The following MYNN variants were observed in gnomAD, a reference collection of about 807,000 sequenced individuals.
MYNN encodes the protein myoneurin, also known as zinc finger and BTB domain-containing protein 31.
In MYNN, 22 loss-of-function variants were observed where a neutral mutation model predicts 57.2. That is an observed-to-expected ratio of 0.38 (90% confidence interval 0.27 to 0.55). MYNN has a LOEUF of 0.55. MYNN is among the 20% of genes least tolerant of loss of function. The pLI is 0.71. For synonymous variants in MYNN, 241 were observed against 257.1 expected, an observed-to-expected ratio of 0.94 and a Z score of 0.60; for missense variants, 566 against 723.1, an observed-to-expected ratio of 0.78 and a Z score of 2.49.
At position 169,774,550 on chromosome 3, in the gene MYNN, A is replaced by G; in HGVS notation, c.255A>G (p.Leu85=). ...KLLEFIYTGT[L]NLDSWNVKEI... is the part of the protein sequence containing the mutation. Reference sequence around the variant, plus strand: ...TGGAGTTTATATACACAGGAACTTTAAATCTTGACAGGTAAAGTACACATT... The same window carrying G: ...TGGAGTTTATATACACAGGAACTTTGAATCTTGACAGGTAAAGTACACATT... Residue 85 remains leucine (L), a synonymous_variant, in exon 2 of 8, where the codon TTA becomes TTG. Coordinates refer to ENST00000349841, the MANE Select transcript of MYNN (RefSeq NM_018657.5). The G allele has an allele frequency of 6.2e-7, 1 of 1,611,122 alleles. No homozygotes were observed. The highest frequency in any genetic ancestry group is 2.2e-5 in the East Asian group (1 of 44,820).
At position 169,786,658 on chromosome 3, in the gene MYNN, T is replaced by A; in HGVS notation, c.1813T>A (p.Phe605Ile). ...VNGYSEPQLI[F>I]LQQLY The stretch of plus-strand genomic sequence containing the variant: ...TGGGTATTCAGAACCACAGTTGATT[T>A]TTTTACAACAATTATACTGACTTTG... Residue 605 changes from phenylalanine (F) to isoleucine (I), a missense_variant, in exon 8 of 8, where the codon TTT becomes ATT. Physicochemically the swap from Phe to Ile is conservative, Grantham distance 21. Around this residue, in one of 4 missense-constraint regions of MYNN, gnomAD observed 156 missense variants for 163.9 expected, o/e 0.95. Transcript: ENST00000349841. The A allele has an allele frequency of 6.2e-7, 1 of 1,612,908 alleles. No homozygotes were observed. The highest frequency in any genetic ancestry group is 8.5e-7 in the Non-Finnish European group (1 of 1,179,330).
At chr3:169,775,888 G>A (rs543651306) in intron 2 of MYNN, among the ~76,000 whole-genome samples, 1 of 152,232 alleles carries the variant, frequency 6.6e-6, no homozygotes, top group African/African-American at 2.4e-5. Context: ...GAATCAGGGT[G>A]CTCATTAATC....
intron 2 of MYNN, among the ~76,000 whole-genome samples, chr3:169,776,849 A>G (rs1577393989): frequency 2.0e-5 from 3 of 151,708 alleles, no homozygotes; most frequent in African/African-American, 4.8e-5. Flanking sequence ...AATTACAGGC[A>G]CCCGCCATCA....
intron 2 of MYNN, chr3:169,777,696 T>C (rs1778389212): frequency 6.6e-6 from 1 of 152,246 alleles, no homozygotes; most frequent in South Asian, 2.1e-4. Context: ...GGGCAGAGAC[T>C]ATTTACTTAT....
intron 2 of MYNN, among the ~76,000 whole-genome samples, chr3:169,776,283 G>A (rs936036124): frequency 3.3e-5 from 5 of 152,278 alleles, no homozygotes; most frequent in Admixed American, 3.3e-4. Context: ...ATGTAAGAGA[G>A]GATTTATACC....
chr3:169,783,892 A>C (rs923422390), intron 6 of MYNN: 2 of 320,774 alleles, frequency 6.2e-6, no homozygotes, highest in African/African-American at 4.5e-5. Context: ...TTTCTTACTA[A>C]ACAGTGTTTA....
chr3:169,783,528 G>T lies in MYNN; in HGVS notation c.1451G>T (p.Gly484Val), dbSNP rs1458677398. Residue 484 changes from glycine to valine, a missense_variant, in exon 6 of 8, where the codon GGA (glycine) becomes GTA (valine). By Grantham distance (109) the Gly-to-Val change is moderately radical. This residue lies in a region of MYNN where 156 missense variants were observed against 163.9 expected (regional missense o/e 0.95). Coordinates refer to ENST00000349841, the MANE Select transcript of MYNN (RefSeq NM_018657.5). ...GICGKSFISSGELNKHFRSHT... is the reference protein window; with the variant it reads ...GICGKSFISSVELNKHFRSHT... The stretch of plus-strand genomic sequence containing the variant: ...TGTGGGAAAAGTTTTATTTCCTCAG[G>T]AGAGCTCAACAAACACTTTCGGTCC... The T allele has an allele frequency of 6.2e-7, 1 of 1,611,662 alleles. No individual in the cohort carries two copies. The highest frequency in any genetic ancestry group is 8.5e-7 in the Non-Finnish European group (1 of 1,178,320).
chr3:169,787,212 ATT>A lies in MYNN; in HGVS notation c.*535_*536del, dbSNP rs1456578858. 2 of 152,342 alleles carry A rather than the reference ATT, an allele frequency of 1.3e-5. No individual in the cohort carries two copies. The highest frequency in any genetic ancestry group is 3.8e-4 in the East Asian group (2 of 5,206). 9.4% of individuals were successfully genotyped at this position (152,342 alleles called of 1,614,324 possible). Reference sequence around the variant, plus strand: ...AATTGTGCTATTTCTCTATTAATATATTGTTAGAAATAACTTTTCTAATGAAA... The same window carrying A: ...AATTGTGCTATTTCTCTATTAATATAGTTAGAAATAACTTTTCTAATGAAA... On this transcript the variant is annotated 3_prime_UTR_variant, in exon 8 of 8. Transcript: ENST00000349841.
intron 4 of MYNN, 62 bp downstream of exon 4, chr3:169,780,811 G>T: frequency 7.7e-7 from 1 of 1,306,848 alleles, no homozygotes; most frequent in Non-Finnish European, 1.0e-6. Flanking sequence ...CTTATGAATA[G>T]ACTATTATAT....
At position 169,788,279 on chromosome 3, in the gene MYNN, G is replaced by C. The variant is rs1778728597; in HGVS notation, c.*1601G>C. On this transcript the variant is annotated 3_prime_UTR_variant, in exon 8 of 8. Coordinates refer to ENST00000349841, the MANE Select transcript of MYNN (RefSeq NM_018657.5). ...GACATGGGACTGACTTATTTGAATA[G>C]AGTTTGAAATACCACCTTTGTATGA... The C allele has an allele frequency of 6.6e-6, 1 of 152,068 alleles. No homozygotes were observed. The highest frequency in any genetic ancestry group is 6.6e-5 in the Admixed American group (1 of 15,258). The allele number at this position is 152,068 out of a possible 1,614,324, so 9.4% of individuals were successfully genotyped here. A position where few individuals can be genotyped will look rare whatever the true frequency, so the allele number is the denominator to read the frequency against.
Position 169,780,689 on chromosome 3 carries a change from A to G in MYNN, c.1160A>G (p.Tyr387Cys), listed in dbSNP as rs747581519. The G allele has an allele frequency of 1.9e-6, 3 of 1,612,576 alleles. No homozygotes were observed. The highest frequency in any genetic ancestry group is 3.4e-5 in the Admixed American group (2 of 59,654). ...SRMHHGEEKP[Y>C]KCDVCNLQFA... ...ATGCATCATGGTGAAGAAAAACCCT[A>G]TAAATGTGATGTATGCAACTTACAG... is the stretch of plus-strand genomic sequence containing the variant. Residue 387 changes from tyrosine (Y) to cysteine (C), a missense_variant, in exon 4 of 8, where the codon TAT becomes TGT. By Grantham distance (194) the Tyr-to-Cys change is radical (BLOSUM62 -2). This residue lies in a region of MYNN where 123 missense variants were observed against 222.6 expected (regional missense o/e 0.55). Coordinates refer to ENST00000349841, the MANE Select transcript of MYNN (RefSeq NM_018657.5).
chr3:169,788,433 A>T lies in MYNN; in HGVS notation c.*1755A>T, dbSNP rs1395826755. On this transcript the variant is annotated 3_prime_UTR_variant, in exon 8 of 8. Transcript: ENST00000349841. ...TCTCTTCTGGGTTAAATGTGATAGGAATGTATTGGAATGTGAAGAAATTAT... is the reference window on the plus strand; with the variant it reads ...TCTCTTCTGGGTTAAATGTGATAGGTATGTATTGGAATGTGAAGAAATTAT... The T allele has an allele frequency of 6.6e-6, 1 of 152,300 alleles. No homozygotes were observed. The highest frequency in any genetic ancestry group is 1.9e-4 in the East Asian group (1 of 5,194). 9.4% of individuals were successfully genotyped at this position (152,300 alleles called of 1,614,324 possible).
At position 169,779,500 on chromosome 3, in the gene MYNN, C is replaced by T. The variant is rs1778447285; in HGVS notation, c.999C>T (p.His333=). The T allele has an allele frequency of 2.5e-6, 4 of 1,614,078 alleles. No homozygotes were observed. In the African/African-American group the frequency reaches 4.0e-5, roughly 16 times the overall value. Residue 333 remains histidine (H), a synonymous_variant, in exon 3 of 8, where the codon CAC becomes CAT. Coordinates refer to ENST00000349841, the MANE Select transcript of MYNN (RefSeq NM_018657.5). ...AAGGAGTCAAACCTTACGTCTGCCA[C>T]TTATGTGGAAAGGCATTTACCCAAT... is the stretch of plus-strand genomic sequence containing the variant. ...IHKGVKPYVC[H]LCGKAFTQCN...
chr3:169,778,511 C>A, intron 2 of MYNN: 1 of 307,992 alleles, frequency 3.2e-6, no homozygotes, highest in South Asian at 8.0e-5. Context: ...GAAAATTTAA[C>A]ATTTAATTTT....
intron 6 of MYNN, 124 bp from the exon 7 acceptor site, chr3:169,784,498 G>A: frequency 1.6e-6 from 1 of 622,072 alleles, no homozygotes; most frequent in Non-Finnish European, 2.8e-6. Context: ...TGATTAAAGT[G>A]ACAATTTGAA....
intron 7 of MYNN, 123 bp downstream of exon 7, chr3:169,784,831 A>C (rs891690701): frequency 1.4e-5 from 8 of 552,052 alleles, no homozygotes; most frequent in African/African-American, 1.4e-4. Flanking sequence ...GTCTATTTCA[A>C]AAACTAGGTA....
intron 4 of MYNN, among the ~76,000 whole-genome samples, chr3:169,781,690 A>G (rs1778522960): frequency 6.6e-6 from 1 of 152,172 alleles, no homozygotes; most frequent in Non-Finnish European, 1.5e-5. Flanking sequence ...TCCAGATGGG[A>G]GTGGTCAATT....
chr3:169,774,397 G>A lies in MYNN; in HGVS notation c.102G>A (p.Gln34=). The change falls in exon 2 of 8, where the codon CAG becomes CAA. Residue 34 remains glutamine (Q), a synonymous_variant. Transcript: ENST00000349841. ...CDCTIVIGEF[Q]FKAHRNVLAS... ...GTACCATAGTGATTGGGGAATTCCA[G>A]TTTAAAGCTCATAGGAATGTGCTGG... is the stretch of plus-strand genomic sequence containing the variant. 5 of 1,614,176 alleles carry A rather than the reference G, an allele frequency of 3.1e-6. No homozygotes were observed. The highest frequency in any genetic ancestry group is 4.2e-6 in the Non-Finnish European group (5 of 1,180,024).
intron 5 of MYNN, 119 bp from the exon 6 acceptor site, chr3:169,783,358 A>G (rs1356685938): frequency 1.8e-5 from 11 of 602,608 alleles, no homozygotes; most frequent in Admixed American, 2.9e-5. Flanking sequence ...TCTAAAGTAC[A>G]ATATAGAGAG....
Sources: gnomAD v4.1 joint callset for allele counts (sites outside exome capture counted in the v4.1 genomes callset) on GRCh38, gnomAD v4.1.1 for gene constraint, gnomAD v4.1.1 regional missense constraint, MANE v1.5 for transcripts, NCBI Gene and HGNC (gene_info 2026-07-23, HGNC 2026-07-21) for gene names.